The following IRS2 variants were observed in gnomAD, a reference collection of about 807,000 sequenced individuals.
IRS2 encodes the protein insulin receptor substrate 2.
In IRS2, 28 loss-of-function variants were observed where a neutral mutation model predicts 70.9. The observed-to-expected ratio is 0.39, with a 90% CI of 0.29 to 0.54. The LOEUF (loss-of-function observed/expected upper bound fraction) is 0.54, where lower values mean the gene tolerates loss of function less well. Ranked by LOEUF, IRS2 falls within the 20% of genes least tolerant of loss-of-function variation. The probability of loss-of-function intolerance (pLI) is 0.59; values close to 1 mark genes in which losing one functional copy is unlikely to be tolerated. For synonymous variants in IRS2, 1,217 were observed against 981.9 expected (o/e 1.24, Z -4.48); for missense variants, 2,081 against 2,024.1 (o/e 1.03, Z -0.54).
chr13:109,773,272 C>G (rs1877498906), intron 1 of IRS2, among the ~76,000 whole-genome samples: 1 of 152,158 alleles, frequency 6.6e-6, no homozygotes, highest in Non-Finnish European at 1.5e-5. Context: ...CACCTAGCAA[C>G]AACTGATTAG....
chr13:109,766,390 G>A (rs1877335295), intron 1 of IRS2, among the ~76,000 whole-genome samples: 1 of 15,740 alleles, frequency 6.4e-5, no homozygotes, highest in East Asian at 1.7e-3. Flanking sequence ...TCCCCACCAA[G>A]CATGTAGATA....
At position 109,785,714 on chromosome 13, in the gene IRS2, C is replaced by T. The variant is rs1410710074; in HGVS notation, c.340G>A (p.Ala114Thr). Residue 114 changes from alanine (A) to threonine (T), a missense_variant, in exon 1 of 2, where the codon GCC (alanine) becomes ACC (threonine). Around this residue, in one of 4 missense-constraint regions of IRS2, gnomAD observed 320 missense variants for 352.9 expected, o/e 0.91. Coordinates refer to ENST00000375856, the MANE Select transcript of IRS2 (RefSeq NM_003749.3). The surrounding 1 kb of genome is among the most constrained non-coding windows in gnomAD (Gnocchi z 9.3). Reference sequence around the variant, plus strand: ...AAGTACTCGTCCTTGGTGTAGAGGGCGATCAGGTACTTGTGCTTGGCGTCG... The same window carrying T: ...AAGTACTCGTCCTTGGTGTAGAGGGTGATCAGGTACTTGTGCTTGGCGTCG... Reference protein sequence around the residue: ...RADAKHKYLIALYTKDEYFAV... With the variant: ...RADAKHKYLITLYTKDEYFAV... 4.4e-6 allele frequency: 7 copies of T among 1,600,328 alleles called. No homozygotes were observed. Among genetic ancestry groups the T allele is most frequent in the African/African-American group, 4.0e-5 (3 of 74,726 alleles).
intron 1 of IRS2, among the ~76,000 whole-genome samples, chr13:109,769,272 C>T (rs932590955): frequency 4.6e-5 from 7 of 152,226 alleles, no homozygotes; most frequent in Non-Finnish European, 1.5e-5. Flanking sequence ...TTTTTAAAAG[C>T]TCTGCATATT....
intron 1 of IRS2, among the ~76,000 whole-genome samples, chr13:109,759,921 C>T (rs1192788629): frequency 1.3e-5 from 2 of 152,156 alleles, no homozygotes; most frequent in African/African-American, 4.8e-5. Context: ...GAAAACACTC[C>T]AGAGATTCAA....
Position 109,785,266 on chromosome 13 carries a change from G to T in IRS2, c.788C>A (p.Ala263Asp). The T allele has an allele frequency of 6.2e-7, 1 of 1,606,940 alleles. No individual in the cohort carries two copies. Among genetic ancestry groups the T allele is most frequent in the Non-Finnish European group, 8.5e-7 (1 of 1,177,564 alleles). Residue 263 changes from alanine (A) to aspartate (D), a missense_variant, in exon 1 of 2, where the codon GCC (alanine) becomes GAC (aspartate). Physicochemically the swap from Ala to Asp is moderately radical, Grantham distance 126. This residue lies in a region of IRS2 where 35 missense variants were observed against 78.6 expected (regional missense o/e 0.45). Transcript: ENST00000375856. The surrounding 1 kb of genome is among the most constrained non-coding windows in gnomAD (Gnocchi z 9.3). ...CCACAGCTCGCCGGGGCCTGTGACG[G>T]CCGAGCGGCCCACCTCGATGAAGAA... is the stretch of plus-strand genomic sequence containing the variant. ...SFFFIEVGRSAVTGPGELWMQ... is the reference protein window; with the variant it reads ...SFFFIEVGRSDVTGPGELWMQ...
chr13:109,760,526 G>C (rs1022464143), intron 1 of IRS2, among the ~76,000 whole-genome samples: 1 of 152,224 alleles, frequency 6.6e-6, no homozygotes, highest in Non-Finnish European at 1.5e-5. Context: ...GCAGAGATGA[G>C]AGTTGTTCCA....
chr13:109,760,879 C>G (rs960782360), intron 1 of IRS2, among the ~76,000 whole-genome samples: 1 of 152,192 alleles, frequency 6.6e-6, no homozygotes, highest in African/African-American at 2.4e-5. Flanking sequence ...ACATGTCACA[C>G]GGAGCTGGGC....
At chr13:109,765,975 C>T (rs1188539638) in intron 1 of IRS2, among the ~76,000 whole-genome samples, 1 of 52,904 alleles carries the variant, frequency 1.9e-5, no homozygotes, top group Admixed American at 2.6e-4. Context: ...GCCTCATCCA[C>T]CCTGGCTCCG....
At chr13:109,770,032 C>A (rs754943720) in intron 1 of IRS2, among the ~76,000 whole-genome samples, 1 of 152,196 alleles carries the variant, frequency 6.6e-6, no homozygotes, top group Admixed American at 6.5e-5. Context: ...GGAGACTCAT[C>A]TGTGACTAAC....
rs1342211153 is a variant in IRS2 at position 109,784,233 on chromosome 13, G to A, written c.1821C>T (p.Gly607=). Residue 607 remains glycine, a synonymous_variant, in exon 1 of 2, where the codon GGC becomes GGT. Transcript: ENST00000375856. This position sits in a 1 kb window ranked among gnomAD's most constrained non-coding sequence, Gnocchi z 5.2. ...EYTLMRATFS[G]SAGRLCPSCP... ...AGGACGGGCAGAGGCGGCCCGCGCT[G>A]CCCGAGAAGGTGGCCCGCATCAGGG... 1.9e-6 allele frequency: 3 copies of A among 1,572,810 alleles called. No individual in the cohort carries two copies. The highest frequency in any genetic ancestry group is 2.6e-6 in the Non-Finnish European group (3 of 1,158,492).
intron 1 of IRS2, among the ~76,000 whole-genome samples, chr13:109,769,879 A>C (rs1484943667): frequency 6.6e-6 from 1 of 152,232 alleles, no homozygotes; most frequent in Non-Finnish European, 1.5e-5. Context: ...GAATACATTT[A>C]AAAATTAAAG....
intron 1 of IRS2, among the ~76,000 whole-genome samples, chr13:109,779,227 C>T (rs7981170): frequency 0.22 from 32,840 of 152,152 alleles, 4,432 homozygotes; most frequent in African/African-American, 0.39. Flanking sequence ...AAACATTACC[C>T]ACATAACCCC....
rs1423192804 is a variant in IRS2 at position 109,784,622 on chromosome 13, C to T, written c.1432G>A (p.Gly478Ser). 8 of 1,333,432 alleles carry T rather than the reference C, an allele frequency of 6.0e-6. No individual in the cohort carries two copies. The highest frequency in any genetic ancestry group is 6.0e-5 in the South Asian group (3 of 50,166). 82.6% of individuals were successfully genotyped at this position (1,333,432 alleles called of 1,614,324 possible). ...GCGCTGCCGCTGGAGGGCCGCTGGC[C>T]GGGGCCGTGGTGCAGCGGATGCGGC... is the stretch of plus-strand genomic sequence containing the variant. ...PLPHPLHHGPGQRPSSGSASA... is the reference protein window; with the variant it reads ...PLPHPLHHGPSQRPSSGSASA... Residue 478 changes from glycine to serine, a missense_variant, in exon 1 of 2, where the codon GGC becomes AGC. Gly to Ser is a moderately conservative substitution (Grantham distance 56, BLOSUM62 0). Coordinates refer to ENST00000375856, the MANE Select transcript of IRS2 (RefSeq NM_003749.3). This position sits in a 1 kb window ranked among gnomAD's most constrained non-coding sequence, Gnocchi z 5.2.
rs1188061164 is a variant in IRS2, at chr13:109,754,012, TAA to T, written c.*2290_*2291del. ...CAGTGGAAGACAGAGCAAGATAAGT[TAA>T]GTCTCTTGTCATATCACAATAGCAA... On this transcript the variant is annotated 3_prime_UTR_variant, in exon 2 of 2. Coordinates refer to ENST00000375856, the MANE Select transcript of IRS2 (RefSeq NM_003749.3). 4.3e-6 allele frequency: 1 copy of T among 231,360 alleles called. No individual in the cohort carries two copies. The highest frequency in any genetic ancestry group is 8.6e-6 in the Non-Finnish European group (1 of 116,732). The allele number at this position is 231,360 out of a possible 1,614,324, so 14.3% of individuals were successfully genotyped here. A position where few individuals can be genotyped will look rare whatever the true frequency, so the allele number is the denominator to read the frequency against.
chr13:109,780,442 T>C (rs1045523847), intron 1 of IRS2, among the ~76,000 whole-genome samples: 2 of 152,242 alleles, frequency 1.3e-5, no homozygotes, highest in South Asian at 4.1e-4. Context: ...AATGATTTAA[T>C]TGGATGCTGA....
intron 1 of IRS2, among the ~76,000 whole-genome samples, chr13:109,769,739 T>C (rs968738764): frequency 3.9e-5 from 6 of 152,202 alleles, no homozygotes; most frequent in Non-Finnish European, 7.3e-5. Flanking sequence ...TCTTTTTAGC[T>C]TGAAAAACCA....
intron 1 of IRS2, among the ~76,000 whole-genome samples, chr13:109,770,344 G>A (rs1280795415): frequency 6.6e-6 from 1 of 152,220 alleles, no homozygotes; most frequent in Non-Finnish European, 1.5e-5. Context: ...AACAAAGACT[G>A]AGCACAGAAT....
intron 1 of IRS2, among the ~76,000 whole-genome samples, chr13:109,767,178 G>A (rs550561275): frequency 3.3e-5 from 5 of 152,276 alleles, no homozygotes; most frequent in Non-Finnish European, 1.5e-5. Flanking sequence ...GTTGGATTCA[G>A]AGTGAGGACA....
chr13:109,769,305 C>T (rs1877401351), intron 1 of IRS2, among the ~76,000 whole-genome samples: 1 of 152,212 alleles, frequency 6.6e-6, no homozygotes, highest in Non-Finnish European at 1.5e-5. Context: ...GACTCTATCT[C>T]CCTCACACAC....
Sources: allele counts gnomAD v4.1 joint callset (sites outside exome capture counted in the v4.1 genomes callset), GRCh38; gene constraint gnomAD v4.1.1; regional missense constraint gnomAD v4.1.1; non-coding constraint Gnocchi (gnomAD v3.1); transcripts MANE v1.5; gene names NCBI Gene and HGNC (gene_info 2026-07-23, HGNC 2026-07-21).